TNS3: variants seen among roughly 807,000 people sequenced by gnomAD.
TNS3 encodes the protein tensin-3.
TNS3 carries 45 observed loss-of-function variants against 140.9 expected under a neutral mutation model. The observed-to-expected ratio is 0.32, with a 90% CI of 0.25 to 0.41. The LOEUF (loss-of-function observed/expected upper bound fraction) is 0.41, where lower values mean the gene tolerates loss of function less well. Ranked by LOEUF, TNS3 falls within the 10% of genes least tolerant of loss-of-function variation. The probability of loss-of-function intolerance (pLI) is 1.00; values close to 1 mark genes in which losing one functional copy is unlikely to be tolerated. For synonymous variants in TNS3, 815 were observed against 788.4 expected, an observed-to-expected ratio of 1.03 and a Z score of -0.56; for missense variants, 1,716 against 1,906.7, an observed-to-expected ratio of 0.90 and a Z score of 1.86.
rs530500249 is a variant in TNS3 at position 47,551,904 on chromosome 7, G to C, written c.-264-22757C>G. Among the ~76,000 whole-genome samples, 4 of 152,226 alleles carry C rather than the reference G, an allele frequency of 2.6e-5. No individual in the cohort carries two copies. In the East Asian group the frequency reaches 7.7e-4, roughly 29 times the overall value. ...GCACAGCTGGAGCGGGGCAGGGGTG[G>C]GGTGGAGAGGGAGGCTACAAAACCG... On this transcript the variant is annotated intron_variant, in intron 1 of 30. Transcript: ENST00000311160.
intron 1 of TNS3, among the ~76,000 whole-genome samples, chr7:47,531,070 G>A (rs1185655983): frequency 6.6e-6 from 1 of 151,616 alleles, no homozygotes; most frequent in East Asian, 1.9e-4. Context: ...CTGAAAGATG[G>A]ACACAAAGAA....
At chr7:47,401,105 C>A (rs1793136200) in intron 13 of TNS3, among the ~76,000 whole-genome samples, 191 bp from the exon 14 acceptor site, 1 of 152,212 alleles carries the variant, frequency 6.6e-6, no homozygotes, top group African/African-American at 2.4e-5. Context: ...CAGGCAGAGG[C>A]ACCACACTGC....
chr7:47,340,162 C>G (rs1353956698), intron 20 of TNS3, among the ~76,000 whole-genome samples: 1 of 112,574 alleles, frequency 8.9e-6, no homozygotes, highest in Non-Finnish European at 1.7e-5. Flanking sequence ...TCTAGCTCGT[C>G]GCCAGGCTGG....
intron 17 of TNS3, among the ~76,000 whole-genome samples, chr7:47,364,726 T>C (rs1790592868): frequency 6.6e-6 from 1 of 152,210 alleles, no homozygotes; most frequent in Non-Finnish European, 1.5e-5. Flanking sequence ...AGGCACGTCC[T>C]GGAAGAGGAA....
chr7:47,311,719 T>A (rs1344563702), intron 20 of TNS3, among the ~76,000 whole-genome samples: 1 of 152,080 alleles, frequency 6.6e-6, no homozygotes, highest in African/African-American at 2.4e-5. Context: ...TCCAAGAAGT[T>A]GTGGAGAAAT....
At chr7:47,560,474 C>T (rs1800299765) in intron 1 of TNS3, among the ~76,000 whole-genome samples, 1 of 152,180 alleles carries the variant, frequency 6.6e-6, no homozygotes, top group Non-Finnish European at 1.5e-5. Context: ...CTGGTGTTTT[C>T]ATGTCTTCCA....
At chr7:47,417,766 A>G (rs1312550181) in intron 10 of TNS3, among the ~76,000 whole-genome samples, 1 of 152,198 alleles carries the variant, frequency 6.6e-6, no homozygotes, top group African/African-American at 2.4e-5. Context: ...AACAACAAAA[A>G]AAAACCAACA....
At chr7:47,486,857 T>G (rs763071309) in intron 3 of TNS3, among the ~76,000 whole-genome samples, 1 of 152,254 alleles carries the variant, frequency 6.6e-6, no homozygotes, top group Non-Finnish European at 1.5e-5. Context: ...GTATAGCTGA[T>G]GCACTACATA....
chr7:47,388,133 C>T (rs1187437952), intron 16 of TNS3, among the ~76,000 whole-genome samples: 2 of 152,182 alleles, frequency 1.3e-5, no homozygotes, highest in African/African-American at 4.8e-5. Context: ...CATAAGAGCA[C>T]ATCTGGGAAT....
At chr7:47,468,047 A>T (rs953314807) in intron 4 of TNS3, among the ~76,000 whole-genome samples, 6 of 143,788 alleles carry the variant, frequency 4.2e-5, no homozygotes, top group Admixed American at 3.4e-4. Context: ...GCAGACATTT[A>T]AAAAAAAAAA....
intron 2 of TNS3, among the ~76,000 whole-genome samples, chr7:47,507,616 C>T (rs1320494806): frequency 6.6e-6 from 1 of 152,190 alleles, no homozygotes; most frequent in East Asian, 1.9e-4. Flanking sequence ...CAATGCAATG[C>T]AGAGCTGGAA....
At chr7:47,502,917 A>G (rs1798279813) in intron 3 of TNS3, among the ~76,000 whole-genome samples, 1 of 152,214 alleles carries the variant, frequency 6.6e-6, no homozygotes, top group Admixed American at 6.5e-5. Context: ...AGAGAGAAAC[A>G]GCAAGCTGGA....
At chr7:47,539,854 C>T (rs1033588809) in intron 1 of TNS3, among the ~76,000 whole-genome samples, 1 of 152,156 alleles carries the variant, frequency 6.6e-6, no homozygotes, top group Non-Finnish European at 1.5e-5. Flanking sequence ...GCTGTATTTC[C>T]ACCACATCAA....
At chr7:47,380,726 CT>C (rs1373893611) in intron 16 of TNS3, among the ~76,000 whole-genome samples, 1 of 151,846 alleles carries the variant, frequency 6.6e-6, no homozygotes, top group Non-Finnish European at 1.5e-5. Context: ...CACACACACA[CT>C]CACCACACAG....
chr7:47,382,712 T>C (rs1791846062), intron 16 of TNS3, among the ~76,000 whole-genome samples: 1 of 147,262 alleles, frequency 6.8e-6, no homozygotes, highest in South Asian at 2.2e-4. Context: ...CTGTACATAC[T>C]CAAATCCTGC....
At chr7:47,453,331 G>A in intron 4 of TNS3, 1 of 843,506 alleles carries the variant, frequency 1.2e-6, no homozygotes, top group Non-Finnish European at 1.4e-6. Flanking sequence ...TGCCTTCCTG[G>A]GGACTAGCCA....
intron 1 of TNS3, among the ~76,000 whole-genome samples, chr7:47,574,648 C>CAT: frequency 1.3e-5 from 2 of 150,686 alleles, no homozygotes; most frequent in East Asian, 3.9e-4. Flanking sequence ...CACACACACA[C>CAT]CCCCACACAC....
intron 1 of TNS3, among the ~76,000 whole-genome samples, chr7:47,563,444 G>A (rs1050474132): frequency 6.6e-5 from 10 of 152,190 alleles, no homozygotes; most frequent in African/African-American, 2.2e-4. Context: ...CCTGGGTCCT[G>A]AGCTAGTCAA....
At chr7:47,488,026 T>C (rs1163588712) in intron 3 of TNS3, among the ~76,000 whole-genome samples, 1 of 152,214 alleles carries the variant, frequency 6.6e-6, no homozygotes, top group East Asian at 1.9e-4. Context: ...GACTCTTCTA[T>C]AATCTCTACA....
Sources: allele counts gnomAD v4.1 joint callset (sites outside exome capture counted in the v4.1 genomes callset), GRCh38; gene constraint gnomAD v4.1.1; transcripts MANE v1.5; gene names NCBI Gene and HGNC (gene_info 2026-07-23, HGNC 2026-07-21).